FAAH2: variants seen among roughly 807,000 people sequenced by gnomAD.
FAAH2 encodes fatty-acid amide hydrolase 2.
A neutral mutation model predicts 36.9 loss-of-function variants in FAAH2; 60 were observed. The ratio of observed to expected loss-of-function variants is 1.63; its 90% CI spans 1.32 to 2.02. The LOEUF is 2.02. Ranked by LOEUF, FAAH2 falls within the 30% of genes most tolerant of loss-of-function variation. FAAH2 has a pLI of 0.00. For synonymous variants in FAAH2, 214 were observed against 143.8 expected, an observed-to-expected ratio of 1.49 and a Z score of -3.49; for missense variants, 689 against 397.5, an observed-to-expected ratio of 1.73 and a Z score of -6.23.
intron 2 of FAAH2, among the ~76,000 whole-genome samples, chrX:57,308,284 A>C (rs1477737732): frequency 9.0e-6 from 1 of 111,169 alleles, no homozygotes; most frequent in Admixed American, 9.6e-5. Flanking sequence ...CTGCAGCTTC[A>C]CCGGTATCTG....
chrX:57,341,274 G>A lies in FAAH2; in HGVS notation c.626G>A (p.Gly209Asp). 3.3e-6 allele frequency: 4 copies of A among 1,205,424 alleles called. No individual in the cohort carries two copies. Among genetic ancestry groups the A allele is most frequent in the Non-Finnish European group, 3.4e-6 (3 of 892,561 alleles). Residue 209 changes from glycine to aspartate, a missense_variant, in exon 5 of 11, where the codon GGT becomes GAT. Transcript: ENST00000374900. ...AAGTATTTTGTGTTTCTTGTAGGTG[G>A]TGAGGGCTGCACACTGGCAGCTGCC... ...LQHIVGGSSG[G>D]EGCTLAAACS...
chrX:57,470,001 T>G (rs1333706575), intron 10 of FAAH2, among the ~76,000 whole-genome samples: 1 of 111,633 alleles, frequency 9.0e-6, no homozygotes, highest in East Asian at 2.8e-4. Flanking sequence ...GAATGACTAC[T>G]GGGTACATAA....
chrX:57,228,495 A>G, the FAAH2 span, among the ~76,000 whole-genome samples: 1 of 110,784 alleles, frequency 9.0e-6, no homozygotes, highest in Admixed American at 9.6e-5. Context: ...CACAGTATTT[A>G]GGTTGTCTCC....
the FAAH2 span, among the ~76,000 whole-genome samples, chrX:57,234,833 G>T: frequency 9.0e-6 from 1 of 111,724 alleles, no homozygotes; most frequent in Non-Finnish European, 1.9e-5. Context: ...GATCACTTGA[G>T]GTCTGGAGTT....
At chrX:57,400,738 A>G (rs1480990169) in intron 7 of FAAH2, among the ~76,000 whole-genome samples, 1 of 112,178 alleles carries the variant, frequency 8.9e-6, no homozygotes, top group Non-Finnish European at 1.9e-5. Flanking sequence ...GCCTTTGGAT[A>G]ATTTTAGACC....
At chrX:57,364,124 A>T (rs138820809) in intron 5 of FAAH2, among the ~76,000 whole-genome samples, 137 of 103,774 alleles carry the variant, frequency 1.3e-3, no homozygotes, top group African/African-American at 4.7e-3. Context: ...TAATTTAAGT[A>T]GTATGGGTAT....
intron 10 of FAAH2, among the ~76,000 whole-genome samples, chrX:57,480,685 CA>C (rs1378466951): frequency 3.6e-5 from 4 of 111,119 alleles, no homozygotes; most frequent in Non-Finnish European, 7.5e-5. Flanking sequence ...TCCTTCATTT[CA>C]ATATTGGAGA....
chrX:57,223,772 T>G, the FAAH2 span, among the ~76,000 whole-genome samples: 1 of 111,649 alleles, frequency 9.0e-6, no homozygotes, highest in South Asian at 3.7e-4. Context: ...TCACACAAAC[T>G]CTCTTCATGC....
In FAAH2 at chrX:57,349,235, A is replaced by ATATG. The variant is rs1487443674; in HGVS notation, c.742+7853_742+7856dup. ...TACATATATATGTGTATGTATGTATATATGTATGTATATCTGTGTGTATAT... is the reference window on the plus strand; with the variant it reads ...TACATATATATGTGTATGTATGTATATATGTATGTATGTATATCTGTGTGTATAT... On this transcript the variant is annotated intron_variant, in intron 5 of 10. Transcript: ENST00000374900. Among the ~76,000 whole-genome samples, 209 of 63,324 alleles carry ATATG rather than the reference A, an allele frequency of 3.3e-3. 4 individuals are homozygous for ATATG. The highest frequency in any genetic ancestry group is 7.7e-3 in the African/African-American group (196 of 25,391). 55.0% of individuals were successfully genotyped at this position (63,324 alleles called of 115,157 possible). A position where few individuals can be genotyped will look rare whatever the true frequency, so the allele number is the denominator to read the frequency against.
chrX:57,362,664 A>T (rs971401178), intron 5 of FAAH2, among the ~76,000 whole-genome samples: 7 of 111,450 alleles, frequency 6.3e-5, no homozygotes, highest in Admixed American at 1.9e-4. Context: ...TTAGATATAA[A>T]TTTTTTCCAA....
At chrX:57,333,268 A>T (rs1004161104) in intron 4 of FAAH2, among the ~76,000 whole-genome samples, 5 of 111,834 alleles carry the variant, frequency 4.5e-5, no homozygotes, top group Non-Finnish European at 9.4e-5. Context: ...CAGACAGTAA[A>T]CACAGACTAA....
chrX:57,197,669 A>G, the FAAH2 span, among the ~76,000 whole-genome samples: 1 of 111,209 alleles, frequency 9.0e-6, no homozygotes, highest in Non-Finnish European at 1.9e-5. Flanking sequence ...CACCCAGCAG[A>G]GCTACCGGGT....
chrX:57,268,239 GA>G, the FAAH2 span, among the ~76,000 whole-genome samples: 4 of 111,424 alleles, frequency 3.6e-5, no homozygotes, highest in Non-Finnish European at 7.5e-5. Flanking sequence ...ACCAAGTGGA[GA>G]AAAAAATCTT....
At chrX:57,365,355 C>A (rs1160442657) in intron 5 of FAAH2, among the ~76,000 whole-genome samples, 2 of 112,000 alleles carry the variant, frequency 1.8e-5, no homozygotes, top group African/African-American at 6.5e-5. Flanking sequence ...GTTGGAATTT[C>A]TTTTGTATAG....
chrX:57,278,473 C>T, the FAAH2 span, among the ~76,000 whole-genome samples: 3 of 111,394 alleles, frequency 2.7e-5, no homozygotes, highest in Non-Finnish European at 3.8e-5. Flanking sequence ...ACCATAAAAA[C>T]CCTAGAAGAA....
At chrX:57,344,752 T>C (rs1362780199) in intron 5 of FAAH2, among the ~76,000 whole-genome samples, 1 of 111,585 alleles carries the variant, frequency 9.0e-6, no homozygotes, top group Non-Finnish European at 1.9e-5. Context: ...TATTTTGATG[T>C]ATGCTCTTTT....
chrX:57,348,142 C>T (rs767447065), intron 5 of FAAH2, among the ~76,000 whole-genome samples: 3 of 110,360 alleles, frequency 2.7e-5, no homozygotes, highest in Non-Finnish European at 5.7e-5. Context: ...CCAGCTTTGC[C>T]TTTGCCTCAG....
rs995682750 is a variant in FAAH2 at position 57,417,808 on chromosome X, A to T, written c.997-14110A>T. Among the ~76,000 whole-genome samples the T allele has an allele frequency of 2.7e-5, 3 of 111,898 alleles. No individual in the cohort carries two copies. In the Admixed American group the frequency reaches 2.8e-4, roughly 11 times the overall value. ...CAGAGTCAGCAGGCAGGAACTTTTA[A>T]GTCTGCTGAAGCTGGGCCCACAGCC... On this transcript the variant is annotated intron_variant, in intron 7 of 10. Transcript: ENST00000374900.
At chrX:57,153,699 C>T in the FAAH2 span, among the ~76,000 whole-genome samples, 1 of 112,479 alleles carries the variant, frequency 8.9e-6, no homozygotes, top group Admixed American at 9.4e-5. Context: ...GCCCCAATTC[C>T]TTCTAGCTCG....
Sources: allele counts gnomAD v4.1 joint callset (sites outside exome capture counted in the v4.1 genomes callset), GRCh38; gene constraint gnomAD v4.1.1; transcripts MANE v1.5; gene names NCBI Gene and HGNC (gene_info 2026-07-23, HGNC 2026-07-21).